IPO9: variants seen among roughly 807,000 people sequenced by gnomAD.
The protein encoded by IPO9 is importin 9.
IPO9 carries 28 observed loss-of-function variants against 128.6 expected under a neutral mutation model. That is an observed-to-expected ratio of 0.22 (90% CI 0.16 to 0.30). The LOEUF (loss-of-function observed/expected upper bound fraction) is 0.30. Among genes scored for constraint, IPO9 ranks in the 10% least tolerant of loss-of-function variants. IPO9 has a pLI of 1.00. For missense variants in IPO9, 935 were observed against 1,293.9 expected (o/e 0.72, Z 4.26); for synonymous variants, 455 against 475.8 (o/e 0.96, Z 0.57).
At chr1:201,863,348 T>C in intron 13 of IPO9, 100 bp from the exon 14 acceptor site, 1 of 1,270,010 alleles carries the variant, frequency 7.9e-7, no homozygotes, top group Non-Finnish European at 1.1e-6. Context: ...TGAGACTCCA[T>C]CTCAAAAAAA....
Position 201,863,485 on chromosome 1 carries a change from C to G in IPO9, c.1506C>G (p.Ala502=). The G allele has an allele frequency of 6.3e-7, 1 of 1,591,740 alleles. No homozygotes were observed. The highest frequency in any genetic ancestry group is 8.6e-7 in the Non-Finnish European group (1 of 1,162,272). ...TCTTGGGCCGGGCACTTTGGGCTGC[C>G]AGTCGGTTCACTGTTGCTATGTCCC... ...PFLLGRALWA[A]SRFTVAMSPE... is the part of the protein sequence containing the mutation. The change falls in exon 14 of 24, where the codon GCC becomes GCG. Residue 502 remains alanine, a synonymous_variant. Coordinates refer to ENST00000361565, the MANE Select transcript of IPO9 (RefSeq NM_018085.5).
At chr1:201,833,886 C>G (rs1309651183) in intron 1 of IPO9, among the ~76,000 whole-genome samples, 1 of 152,088 alleles carries the variant, frequency 6.6e-6, no homozygotes, top group African/African-American at 2.4e-5. Context: ...CCTGGGCTTA[C>G]GCAGTCCTCC....
Position 201,871,206 on chromosome 1 carries a change from C to A in IPO9, c.2455C>A (p.Pro819Thr), listed in dbSNP as rs756558685. ...TCATCTGGTGCACACTCAGCTAGAA[C>A]CTCTCTTGGAGTTCCTGTGTAGCCT... ...FAHLVHTQLE[P>T]LLEFLCSLPG... Residue 819 changes from proline to threonine, a missense_variant, in exon 19 of 24, where the codon CCT becomes ACT. Transcript: ENST00000361565. 12 of 1,613,988 alleles carry A rather than the reference C, an allele frequency of 7.4e-6. No homozygotes were observed. Among genetic ancestry groups the A allele is most frequent in the Non-Finnish European group, 5.1e-6 (6 of 1,179,990 alleles).
intron 13 of IPO9, among the ~76,000 whole-genome samples, chr1:201,859,391 TC>T (rs1205277239): frequency 9.2e-5 from 14 of 151,850 alleles, no homozygotes; most frequent in Admixed American, 9.2e-4. Flanking sequence ...ATTGCCTAGT[TC>T]ATAATTCTTC....
intron 1 of IPO9, among the ~76,000 whole-genome samples, chr1:201,843,755 G>A (rs894985229): frequency 3.2e-4 from 49 of 151,286 alleles, no homozygotes; most frequent in African/African-American, 1.1e-3. Context: ...TTGAACCCAG[G>A]AGACAGAGGT....
Position 201,866,831 on chromosome 1 carries a change from G to C in IPO9, c.1727G>C (p.Ser576Thr), listed in dbSNP as rs370638350. The C allele has an allele frequency of 2.5e-4, 398 of 1,614,014 alleles. No homozygotes were observed. Among genetic ancestry groups the C allele is most frequent in the Non-Finnish European group, 3.2e-4 (379 of 1,180,052 alleles). Residue 576 changes from serine (S) to threonine (T), a missense_variant, in exon 15 of 24, where the codon AGC (serine) becomes ACC (threonine). By Grantham distance (58) the Ser-to-Thr change is moderately conservative (BLOSUM62 1). Transcript: ENST00000361565. ...TTAATTCACCTAGCAGCCCAGTTCAGCTCAGAGGTCCTCAACCTGGTGATG... is the reference window on the plus strand; with the variant it reads ...TTAATTCACCTAGCAGCCCAGTTCACCTCAGAGGTCCTCAACCTGGTGATG... Reference protein sequence around the residue: ...DGLIHLAAQFSSEVLNLVMET... With the variant: ...DGLIHLAAQFTSEVLNLVMET...
At chr1:201,860,467 C>T (rs1373017114) in intron 13 of IPO9, among the ~76,000 whole-genome samples, 1 of 152,188 alleles carries the variant, frequency 6.6e-6, no homozygotes, top group Non-Finnish European at 1.5e-5. Flanking sequence ...TTGTATCCTA[C>T]AAGTGCCTTG....
At chr1:201,832,549 C>G (rs974793037) in intron 1 of IPO9, among the ~76,000 whole-genome samples, 1 of 152,212 alleles carries the variant, frequency 6.6e-6, no homozygotes, top group Non-Finnish European at 1.5e-5. Context: ...ATGAGCCAAC[C>G]GGCCAGGCCG....
chr1:201,859,646 T>C (rs1680404004), intron 13 of IPO9, among the ~76,000 whole-genome samples: 1 of 152,130 alleles, frequency 6.6e-6, no homozygotes, highest in Non-Finnish European at 1.5e-5. Context: ...CTCATACCCA[T>C]GTTAGCCATC....
At chr1:201,874,467 A>G in intron 21 of IPO9, 95 bp downstream of exon 21, 1 of 1,362,260 alleles carries the variant, frequency 7.3e-7, no homozygotes, top group East Asian at 2.4e-5. Context: ...TCACTAATTG[A>G]AAAAAAAAGT....
chr1:201,872,367 G>A (rs909778671), intron 19 of IPO9, among the ~76,000 whole-genome samples: 3 of 151,998 alleles, frequency 2.0e-5, no homozygotes, highest in Admixed American at 6.6e-5. Context: ...CTGTAATCCC[G>A]GCACTTTGGA....
rs1680860370 is a variant in IPO9 at position 201,880,228 on chromosome 1, A to T, written c.*4174A>T. 1 of 152,208 alleles carries T rather than the reference A, an allele frequency of 6.6e-6. No individual in the cohort carries two copies. Among genetic ancestry groups the T allele is most frequent in the African/African-American group, 2.4e-5 (1 of 41,444 alleles). The allele number at this position is 152,208 out of a possible 1,614,324, so 9.4% of individuals were successfully genotyped here. On this transcript the variant is annotated 3_prime_UTR_variant, in exon 24 of 24. Transcript: ENST00000361565. The stretch of plus-strand genomic sequence containing the variant: ...AAGTTTATTATGCCAGGAACTGTTA[A>T]TGTGTCCAAAAAAACTCCAGTGTGG...
At position 201,858,537 on chromosome 1, in the gene IPO9, A is replaced by G. The variant is rs757205419; in HGVS notation, c.1312A>G (p.Ser438Gly). 5 of 1,584,822 alleles carry G rather than the reference A, an allele frequency of 3.2e-6. No homozygotes were observed. Among genetic ancestry groups the G allele is most frequent in the Non-Finnish European group, 4.3e-6 (5 of 1,164,712 alleles). ...ACAAGAAGCTGAGCAAACCAAAAAC[A>G]GTGGCACTGAGCACTGGTAAGAGTG... is the stretch of plus-strand genomic sequence containing the variant. ...HLQEAEQTKN[S>G]GTEHWWKIHE... The change falls in exon 12 of 24, where the codon AGT becomes GGT. Residue 438 changes from serine to glycine, a missense_variant. Coordinates refer to ENST00000361565, the MANE Select transcript of IPO9 (RefSeq NM_018085.5).
chr1:201,863,660 A>T (rs1046384097), intron 14 of IPO9, 53 bp downstream of exon 14: 97 of 1,460,674 alleles, frequency 6.6e-5, no homozygotes, highest in Non-Finnish European at 7.7e-5. Context: ...CAGGTTAGAT[A>T]TAACAAATCA....
intron 1 of IPO9, among the ~76,000 whole-genome samples, chr1:201,838,567 G>T (rs549823161): frequency 8.5e-5 from 13 of 152,092 alleles, no homozygotes; most frequent in Admixed American, 2.6e-4. Context: ...TATCTGTAGG[G>T]GGATTGTGCA....
At position 201,847,259 on chromosome 1, in the gene IPO9, A is replaced by G; in HGVS notation, c.164-20A>G. ...GGCTTTCCTAGGTACTCTTAGACTC[A>G]ATAAAATTTTCTCTTTCAGAATTTG... is the stretch of plus-strand genomic sequence containing the variant. On this transcript the variant is annotated intron_variant, in intron 1 of 23. Transcript: ENST00000361565. 1.9e-6 allele frequency: 3 copies of G among 1,603,580 alleles called. No individual in the cohort carries two copies. Among genetic ancestry groups the G allele is most frequent in the Non-Finnish European group, 2.6e-6 (3 of 1,170,392 alleles).
intron 1 of IPO9, chr1:201,834,976 T>C (rs539130212): frequency 6.6e-6 from 1 of 152,382 alleles, no homozygotes; most frequent in Admixed American, 6.5e-5. Flanking sequence ...ACTGTCCACC[T>C]GCGAAGGGCG....
rs1680810104 is a variant in IPO9 at position 201,878,064 on chromosome 1, GAAGTA to G, written c.*2011_*2015del. On this transcript the variant is annotated 3_prime_UTR_variant, in exon 24 of 24. Coordinates refer to ENST00000361565, the MANE Select transcript of IPO9 (RefSeq NM_018085.5). ...TCAACCTCCATGACTGAGATTGGAA[GAAGTA>G]GAGTTAAAAGTTTTTACTACCTTTG... The G allele has an allele frequency of 6.6e-6, 1 of 152,220 alleles. No individual in the cohort carries two copies. The highest frequency in any genetic ancestry group is 6.5e-5 in the Admixed American group (1 of 15,290). The allele number at this position is 152,220 out of a possible 1,614,324, so 9.4% of individuals were successfully genotyped here.
At chr1:201,842,384 T>G (rs1482231535) in intron 1 of IPO9, among the ~76,000 whole-genome samples, 1 of 152,112 alleles carries the variant, frequency 6.6e-6, no homozygotes, top group Non-Finnish European at 1.5e-5. Context: ...CCATGATTGA[T>G]TGAACCACTG....
Sources: allele counts gnomAD v4.1 joint callset (sites outside exome capture counted in the v4.1 genomes callset), GRCh38; gene constraint gnomAD v4.1.1; transcripts MANE v1.5; gene names NCBI Gene and HGNC (gene_info 2026-07-23, HGNC 2026-07-21).